The following USH2A variants were observed in gnomAD, a reference collection of about 807,000 sequenced individuals.
USH2A encodes usherin, also known as Usher syndrome 2A (autosomal recessive, mild).
A neutral mutation model predicts 538.9 loss-of-function variants in USH2A; 443 were observed. That is an observed-to-expected ratio of 0.82 (90% CI 0.76 to 0.89). The LOEUF is 0.89. Among genes scored for constraint, USH2A ranks in the 40% least tolerant of loss-of-function variants. The pLI is 0.00. For missense variants in USH2A, 6,633 were observed against 6,324.8 expected (o/e 1.05, Z -1.65); for synonymous variants, 2,413 against 2,273.5 (o/e 1.06, Z -1.75).
chr1:215,701,389 C>T lies in USH2A; in HGVS notation c.12067-21013G>A, dbSNP rs148399204. Among the ~76,000 whole-genome samples, 1,430 of 152,242 alleles carry T rather than the reference C, an allele frequency of 9.4e-3. 14 individuals are homozygous for T. The highest frequency in any genetic ancestry group is 0.02 in the Middle Eastern group (6 of 294). ...GAATATCCATGTTAATTTTCTGTCT[C>T]GTTGATCTGTCTAATATTGACAGTG... On this transcript the variant is annotated intron_variant, in intron 61 of 71. Coordinates refer to ENST00000307340, the MANE Select transcript of USH2A (RefSeq NM_206933.4).
intron 9 of USH2A, among the ~76,000 whole-genome samples, chr1:216,311,046 G>C (rs1200228655): frequency 6.6e-6 from 1 of 152,194 alleles, no homozygotes; most frequent in African/African-American, 2.4e-5. Context: ...CTGACAGTAT[G>C]GGAAGGCTGC....
intron 30 of USH2A, 51 bp downstream of exon 30, chr1:216,070,050 C>T: frequency 6.3e-7 from 1 of 1,590,702 alleles, no homozygotes; most frequent in Non-Finnish European, 8.6e-7. Flanking sequence ...ATTTAAAATG[C>T]AAACAAAAAG....
At chr1:215,836,565 A>ATAT (rs1553267793) in intron 47 of USH2A, among the ~76,000 whole-genome samples, 3 of 32,880 alleles carry the variant, frequency 9.1e-5, no homozygotes, top group African/African-American at 1.8e-4. Context: ...ATATATATAT[A>ATAT]TTTTTTTTTG....
chr1:215,779,880 G>A lies in USH2A; in HGVS notation c.10902C>T (p.His3634=), dbSNP rs1223585934. The A allele has an allele frequency of 2.5e-6, 4 of 1,614,006 alleles. No individual in the cohort carries two copies. Among genetic ancestry groups the A allele is most frequent in the Non-Finnish European group, 3.4e-6 (4 of 1,180,006 alleles). ...GCTGTCTCCTGTCAGTGGTGTCAGT[G>A]TGGATGAGACCTTTCCCAACCTGCC... ...QIRQVGKGLI[H]TDTTDRRQHT... Residue 3634 remains histidine (H), a synonymous_variant, in exon 55 of 72, where the codon CAC becomes CAT. Coordinates refer to ENST00000307340, the MANE Select transcript of USH2A (RefSeq NM_206933.4).
intron 38 of USH2A, among the ~76,000 whole-genome samples, chr1:215,911,606 C>T (rs1000197193): frequency 8.6e-5 from 13 of 151,998 alleles, no homozygotes; most frequent in African/African-American, 3.1e-4. Flanking sequence ...CATCCATCTG[C>T]TGATGGATGC....
intron 47 of USH2A, among the ~76,000 whole-genome samples, chr1:215,821,652 G>A (rs187691078): frequency 6.1e-4 from 92 of 151,796 alleles, no homozygotes; most frequent in Non-Finnish European, 1.5e-4. Flanking sequence ...TCTCTTGCCA[G>A]TGTTTTTGAG....
chr1:216,026,011 T>C (rs1668955999), intron 32 of USH2A, among the ~76,000 whole-genome samples: 1 of 152,112 alleles, frequency 6.6e-6, no homozygotes, highest in African/African-American at 2.4e-5. Flanking sequence ...AATATTGTCA[T>C]TGCAAAATAG....
At chr1:216,066,360 G>A (rs1487195151) in intron 30 of USH2A, among the ~76,000 whole-genome samples, 2 of 152,030 alleles carry the variant, frequency 1.3e-5, no homozygotes, top group African/African-American at 4.8e-5. Flanking sequence ...CAGCTACTGG[G>A]GAGGCTGAGG....
chr1:216,267,821 T>C (rs889985000), intron 11 of USH2A, among the ~76,000 whole-genome samples: 1 of 152,168 alleles, frequency 6.6e-6, no homozygotes, highest in Non-Finnish European at 1.5e-5. Flanking sequence ...CAGAACCTTT[T>C]GCACCTTTAC....
intron 64 of USH2A, among the ~76,000 whole-genome samples, chr1:215,656,025 C>T (rs770110876): frequency 2.6e-5 from 4 of 152,146 alleles, no homozygotes; most frequent in Non-Finnish European, 4.4e-5. Flanking sequence ...TAAGCCACCG[C>T]GCCCGGCCTG....
At chr1:216,385,723 C>A (rs1464766411) in intron 3 of USH2A, among the ~76,000 whole-genome samples, 2 of 152,142 alleles carry the variant, frequency 1.3e-5, no homozygotes, top group Non-Finnish European at 2.9e-5. Flanking sequence ...AGCTTTATTC[C>A]GGTTTCTATC....
intron 55 of USH2A, among the ~76,000 whole-genome samples, chr1:215,771,424 C>CA (rs1350117225): frequency 6.7e-6 from 1 of 149,570 alleles, no homozygotes; most frequent in African/African-American, 2.5e-5. Flanking sequence ...ACTAAAAATA[C>CA]AAAAAATTAG....
chr1:215,859,210 G>A (rs1380775819), intron 44 of USH2A, among the ~76,000 whole-genome samples: 1 of 152,074 alleles, frequency 6.6e-6, no homozygotes, highest in African/African-American at 2.4e-5. Flanking sequence ...CATTTATAAA[G>A]GGACTTTTTT....
At chr1:215,639,421 A>G (rs1656606289) in intron 68 of USH2A, among the ~76,000 whole-genome samples, 183 bp from the exon 69 acceptor site, 1 of 152,264 alleles carries the variant, frequency 6.6e-6, no homozygotes, top group African/African-American at 2.4e-5. Flanking sequence ...AGCTATCATT[A>G]GTGTAATAAT....
intron 49 of USH2A, among the ~76,000 whole-genome samples, chr1:215,806,705 A>G (rs1313455074): frequency 6.6e-6 from 1 of 152,078 alleles, no homozygotes; most frequent in African/African-American, 2.4e-5. Flanking sequence ...CTCTATCAAA[A>G]TGATAAAAGA....
intron 69 of USH2A, among the ~76,000 whole-genome samples, chr1:215,637,043 T>C (rs1656516365): frequency 6.6e-6 from 1 of 152,086 alleles, no homozygotes; most frequent in African/African-American, 2.4e-5. Context: ...TAAGGGACTC[T>C]ACCTGTGCAT....
intron 14 of USH2A, 125 bp from the exon 15 acceptor site, chr1:216,217,675 A>T (rs1413646929): frequency 4.5e-6 from 5 of 1,110,424 alleles, no homozygotes; most frequent in Middle Eastern, 2.3e-4. Context: ...TATTGAAAAG[A>T]ATGCTTGAGC....
chr1:215,730,565 C>T (rs17025267), intron 60 of USH2A, among the ~76,000 whole-genome samples: 64,413 of 152,068 alleles, frequency 0.42, 16,027 homozygotes, highest in South Asian at 0.61. Flanking sequence ...TCACATGCTG[C>T]CATATCAGAT....
chr1:216,074,052 C>T (rs536895779), intron 27 of USH2A, among the ~76,000 whole-genome samples: 2 of 152,344 alleles, frequency 1.3e-5, no homozygotes, highest in South Asian at 2.1e-4. Context: ...GTGCATTCTG[C>T]ACAGGTGACC....
Sources: gnomAD v4.1 joint callset for allele counts (sites outside exome capture counted in the v4.1 genomes callset) on GRCh38, gnomAD v4.1.1 for gene constraint, MANE v1.5 for transcripts, NCBI Gene and HGNC (gene_info 2026-07-23, HGNC 2026-07-21) for gene names.